Variants in GTPBP2 observed in about 807,000 individuals in gnomAD.
GTPBP2 encodes GTP-binding protein 2.
A neutral mutation model predicts 63.0 loss-of-function variants in GTPBP2; 32 were observed. The ratio of observed to expected loss-of-function variants is 0.51; its 90% CI spans 0.38 to 0.68. GTPBP2 has a LOEUF of 0.68. GTPBP2 is among the 30% of genes least tolerant of loss of function. The probability of loss-of-function intolerance (pLI) is 0.00; values close to 1 mark genes in which losing one functional copy is unlikely to be tolerated. For synonymous variants in GTPBP2, 310 were observed against 322.6 expected, an observed-to-expected ratio of 0.96 and a Z score of 0.42; for missense variants, 492 against 796.9, an observed-to-expected ratio of 0.62 and a Z score of 4.61.
chr6:43,624,128 G>C lies in GTPBP2; in HGVS notation c.1101-60C>G, dbSNP rs1769079197. 4 of 1,475,040 alleles carry C rather than the reference G, an allele frequency of 2.7e-6. No individual in the cohort carries two copies. The African/African-American group carries it at 4.2e-5, about 15-fold the overall frequency. The allele number at this position is 1,475,040 out of a possible 1,614,324, so 91.4% of individuals were successfully genotyped here. On this transcript the variant is annotated intron_variant, in intron 7 of 11. Coordinates refer to ENST00000307126, the MANE Select transcript of GTPBP2 (RefSeq NM_019096.5). This position sits in a 1 kb window ranked among gnomAD's most constrained non-coding sequence, Gnocchi z 5.1. ...CAGTCCAAACAGGAGGCAGAGGCCA[G>C]AGCCCCATACATGGAAAGGTGAGCT...
rs762986736 is a variant in GTPBP2 at position 43,624,602 on chromosome 6, G to A, written c.1008C>T (p.Val336=). ...CCTTGTGGCAGCCAGGCTGCTTGAGGACCCGCTCCAGCTGGCGTACTGTCC... is the reference window on the plus strand; with the variant it reads ...CCTTGTGGCAGCCAGGCTGCTTGAGAACCCGCTCCAGCTGGCGTACTGTCC... ...VERTVRQLER[V]LKQPGCHKVP... The change falls in exon 7 of 12, where the codon GTC becomes GTT. Residue 336 remains valine, a synonymous_variant. Transcript: ENST00000307126. The surrounding 1 kb of genome is among the most constrained non-coding windows in gnomAD (Gnocchi z 5.1). 2 of 1,614,110 alleles carry A rather than the reference G, an allele frequency of 1.2e-6. No individual in the cohort carries two copies. Among genetic ancestry groups the A allele is most frequent in the South Asian group, 1.1e-5 (1 of 91,074 alleles).
chr6:43,628,887 G>T, intron 1 of GTPBP2, 90 bp downstream of exon 1: 2 of 1,376,530 alleles, frequency 1.5e-6, no homozygotes, highest in Non-Finnish European at 1.0e-6. Flanking sequence ...GACACCGGAA[G>T]GGGAGATTAA....
chr6:43,624,729 G>A lies in GTPBP2; in HGVS notation c.881C>T (p.Ala294Val). ...CCCCAGATGTTCCCTTGTGGTGCCAGCTGCCTCATAAGGACAGCAAGCAGC... is the reference window on the plus strand; with the variant it reads ...CCCCAGATGTTCCCTTGTGGTGCCAACTGCCTCATAAGGACAGCAAGCAGC... The part of the protein sequence containing the change: ...LLLVSANTGI[A>V]GTTREHLGLA... The change falls in exon 7 of 12, where the codon GCT (alanine) becomes GTT (valine). Residue 294 changes from alanine to valine, a missense_variant and splice_region_variant. Ala to Val is a moderately conservative substitution (Grantham distance 64). Coordinates refer to ENST00000307126, the MANE Select transcript of GTPBP2 (RefSeq NM_019096.5). The surrounding 1 kb of genome is among the most constrained non-coding windows in gnomAD (Gnocchi z 5.1). The A allele has an allele frequency of 3.1e-6, 5 of 1,613,192 alleles. No individual in the cohort carries two copies. The highest frequency in any genetic ancestry group is 4.2e-6 in the Non-Finnish European group (5 of 1,179,530).
rs1332937590 is a variant in GTPBP2 at position 43,626,015 on chromosome 6, T to C, written c.399-151A>G. The C allele has an allele frequency of 2.7e-6, 2 of 734,698 alleles. No individual in the cohort carries two copies. 45.5% of individuals were successfully genotyped at this position (734,698 alleles called of 1,614,324 possible). On this transcript the variant is annotated intron_variant, in intron 3 of 11. Coordinates refer to ENST00000307126, the MANE Select transcript of GTPBP2 (RefSeq NM_019096.5). The surrounding 1 kb of genome is among the most constrained non-coding windows in gnomAD (Gnocchi z 4.0). Reference sequence around the variant, plus strand: ...CCTCCAATCTATTCCTCATTCACAGTTCCCTTTAAAACAAATATACATATC... The same window carrying C: ...CCTCCAATCTATTCCTCATTCACAGCTCCCTTTAAAACAAATATACATATC...
In GTPBP2 at chr6:43,624,755, A is replaced by G. The variant is rs1391904227; in HGVS notation, c.881-26T>C. ...CTGCCTCATAAGGACAGCAAGCAGC[A>G]GGAGAGAAGAGTGAGAATGCAGGAG... On this transcript the variant is annotated intron_variant, in intron 6 of 11. Transcript: ENST00000307126. The surrounding 1 kb of genome is among the most constrained non-coding windows in gnomAD (Gnocchi z 5.1). 1.9e-6 allele frequency: 3 copies of G among 1,606,292 alleles called. No individual in the cohort carries two copies. The highest frequency in any genetic ancestry group is 3.3e-5 in the Admixed American group (2 of 59,998).
rs775442281 is a variant in GTPBP2 at position 43,624,738 on chromosome 6, T to A, written c.881-9A>T. 7.4e-6 allele frequency: 12 copies of A among 1,611,478 alleles called. No individual in the cohort carries two copies. Among genetic ancestry groups the A allele is most frequent in the Admixed American group, 1.7e-5 (1 of 59,978 alleles). On this transcript the variant is annotated splice_polypyrimidine_tract_variant and intron_variant, in intron 6 of 11. Coordinates refer to ENST00000307126, the MANE Select transcript of GTPBP2 (RefSeq NM_019096.5). The surrounding 1 kb of genome is among the most constrained non-coding windows in gnomAD (Gnocchi z 5.1). ...TTCCCTTGTGGTGCCAGCTGCCTCA[T>A]AAGGACAGCAAGCAGCAGGAGAGAA... is the stretch of plus-strand genomic sequence containing the variant.
chr6:43,626,167 G>A lies in GTPBP2; in HGVS notation c.398+59C>T. The A allele has an allele frequency of 6.7e-7, 1 of 1,495,316 alleles. No individual in the cohort carries two copies. Among genetic ancestry groups the A allele is most frequent in the South Asian group, 1.2e-5 (1 of 85,692 alleles). The allele number at this position is 1,495,316 out of a possible 1,614,324, so 92.6% of individuals were successfully genotyped here. A position where few individuals can be genotyped will look rare whatever the true frequency, so the allele number is the denominator to read the frequency against. On this transcript the variant is annotated intron_variant, in intron 3 of 11. Coordinates refer to ENST00000307126, the MANE Select transcript of GTPBP2 (RefSeq NM_019096.5). The surrounding 1 kb of genome is among the most constrained non-coding windows in gnomAD (Gnocchi z 4.0). The stretch of plus-strand genomic sequence containing the variant: ...GGCCCCTCAGGCCCTAGGTAACTGG[G>A]TATGCATGGGTCCCCCCAAGTCAGG...
rs1768734402 is a variant in GTPBP2, at chr6:43,621,706, G to A, written c.1717C>T (p.Leu573=). The part of the protein sequence containing the change: ...PEYLKVGAKL[L]FREGVTKGIG... ...CCCTTGGTGACACCCTCCCGGAACA[G>A]CAGTTTGGCGCCCACCTTCAGGTAC... is the stretch of plus-strand genomic sequence containing the variant. The change falls in exon 12 of 12, where the codon CTG becomes TTG. Residue 573 remains leucine, a synonymous_variant. Transcript: ENST00000307126. The A allele has an allele frequency of 1.2e-6, 2 of 1,614,216 alleles. No individual in the cohort carries two copies. The highest frequency in any genetic ancestry group is 1.7e-6 in the Non-Finnish European group (2 of 1,180,046).
Position 43,625,965 on chromosome 6 carries a change from A to G in GTPBP2, c.399-101T>C. The stretch of plus-strand genomic sequence containing the variant: ...TTCCTGCACCTCCCACAGAGCTCCC[A>G]ATACCTTAGTGCACTTCCTACCACC... On this transcript the variant is annotated intron_variant, in intron 3 of 11. Transcript: ENST00000307126. This position sits in a 1 kb window ranked among gnomAD's most constrained non-coding sequence, Gnocchi z 5.1. 1.1e-6 allele frequency: 1 copy of G among 900,526 alleles called. No individual in the cohort carries two copies. Among genetic ancestry groups the G allele is most frequent in the South Asian group, 1.3e-5 (1 of 74,620 alleles). 55.8% of individuals were successfully genotyped at this position (900,526 alleles called of 1,614,324 possible).
At position 43,623,985 on chromosome 6, in the gene GTPBP2, A is replaced by T; in HGVS notation, c.1184T>A (p.Leu395His). The T allele has an allele frequency of 6.2e-7, 1 of 1,614,102 alleles. No homozygotes were observed. Among genetic ancestry groups the T allele is most frequent in the East Asian group, 2.2e-5 (1 of 44,888 alleles). Residue 395 changes from leucine (L) to histidine (H), a missense_variant, in exon 8 of 12, where the codon CTC becomes CAC. Physicochemically the swap from Leu to His is moderately conservative, Grantham distance 99. This residue lies in a region of GTPBP2 where 400 missense variants were observed against 710.8 expected (regional missense o/e 0.56). Transcript: ENST00000307126. ...TTCCTCCTGCTCTTTGCTGTTGGTGAGTGGCGGCAGAATATTCAGAAAGAC... is the reference window on the plus strand; with the variant it reads ...TTCCTCCTGCTCTTTGCTGTTGGTGTGTGGCGGCAGAATATTCAGAAAGAC... Reference protein sequence around the residue: ...LKVFLNILPPLTNSKEQEELM... With the variant: ...LKVFLNILPPHTNSKEQEELM...
chr6:43,621,185 C>T lies in GTPBP2; in HGVS notation c.*429G>A, dbSNP rs907801921. 2.6e-5 allele frequency: 9 copies of T among 346,470 alleles called. No individual in the cohort carries two copies. Among genetic ancestry groups the T allele is most frequent in the Non-Finnish European group, 4.6e-5 (8 of 173,510 alleles). 21.5% of individuals were successfully genotyped at this position (346,470 alleles called of 1,614,324 possible). The stretch of plus-strand genomic sequence containing the variant: ...CAGCCAGGTAGAGATGGGCAACTTA[C>T]ATGGCCTTGAGAAGAGGTATAGAAA... On this transcript the variant is annotated 3_prime_UTR_variant, in exon 12 of 12. Transcript: ENST00000307126.
intron 11 of GTPBP2, 53 bp downstream of exon 11, chr6:43,621,950 A>T: frequency 6.2e-7 from 1 of 1,604,562 alleles, no homozygotes; most frequent in Non-Finnish European, 8.5e-7. Flanking sequence ...AGTCTGGGGC[A>T]GGCCTCCCTC....
At chr6:43,630,726 G>A (rs1233101176), upstream of GTPBP2, among the ~76,000 whole-genome samples, 1 of 148,920 alleles carries the variant, frequency 6.7e-6, no homozygotes, top group Admixed American at 6.7e-5. Context: ...CTGGGCAACA[G>A]AGCGAGACTC....
chr6:43,628,953 C>T, intron 1 of GTPBP2, 24 bp downstream of exon 1: 1 of 1,610,198 alleles, frequency 6.2e-7, no homozygotes, highest in Non-Finnish European at 8.5e-7. Context: ...CTTCTTCCCG[C>T]CCTACCACTT....
Position 43,626,840 on chromosome 6 carries a change from A to AT in GTPBP2, c.213+81_213+82insA, listed in dbSNP as rs1769395297. 2 of 1,112,054 alleles carry AT rather than the reference A, an allele frequency of 1.8e-6. No homozygotes were observed. The highest frequency in any genetic ancestry group is 2.6e-6 in the Non-Finnish European group (2 of 757,166). The allele number at this position is 1,112,054 out of a possible 1,614,324, so 68.9% of individuals were successfully genotyped here. The stretch of plus-strand genomic sequence containing the variant: ...CAAAACTTCATCTCAAAAAAAAAAA[A>AT]GAAAGAAAGAAAAAAGAAATTATCC... On this transcript the variant is annotated intron_variant, in intron 2 of 11. Coordinates refer to ENST00000307126, the MANE Select transcript of GTPBP2 (RefSeq NM_019096.5). The surrounding 1 kb of genome is among the most constrained non-coding windows in gnomAD (Gnocchi z 4.0).
At chr6:43,623,081 G>A (rs1582343472) in intron 9 of GTPBP2, 1 of 437,530 alleles carries the variant, frequency 2.3e-6, no homozygotes, top group Non-Finnish European at 4.1e-6. Context: ...ATCCCCTTGG[G>A]TTTCATTCTC....
At chr6:43,627,079 C>T in intron 1 of GTPBP2, 131 bp from the exon 2 acceptor site, 1 of 826,426 alleles carries the variant, frequency 1.2e-6, no homozygotes, top group South Asian at 1.9e-5. Flanking sequence ...TAGGCAAGTG[C>T]CTGTCAAAGG....
At position 43,624,724 on chromosome 6, in the gene GTPBP2, T is replaced by C; in HGVS notation, c.886A>G (p.Thr296Ala). The C allele has an allele frequency of 6.2e-7, 1 of 1,613,434 alleles. No homozygotes were observed. The highest frequency in any genetic ancestry group is 8.5e-7 in the Non-Finnish European group (1 of 1,179,790). The change falls in exon 7 of 12, where the codon ACC (threonine) becomes GCC (alanine). Residue 296 changes from threonine to alanine, a missense_variant. Thr to Ala is a moderately conservative substitution (Grantham distance 58). Around this residue, in one of 2 missense-constraint regions of GTPBP2, gnomAD observed 400 missense variants for 710.8 expected, o/e 0.56. Transcript: ENST00000307126. This position sits in a 1 kb window ranked among gnomAD's most constrained non-coding sequence, Gnocchi z 5.1. ...LVSANTGIAG[T>A]TREHLGLALA... ...GCCAGCCCCAGATGTTCCCTTGTGG[T>C]GCCAGCTGCCTCATAAGGACAGCAA...
At chr6:43,621,940 A>T (rs1768771522) in intron 11 of GTPBP2, 63 bp downstream of exon 11, 3 of 1,601,136 alleles carry the variant, frequency 1.9e-6, no homozygotes, top group Non-Finnish European at 2.6e-6. Flanking sequence ...GTTCTCTGCC[A>T]GTCTGGGGCA....
Sources: allele counts gnomAD v4.1 joint callset (sites outside exome capture counted in the v4.1 genomes callset), GRCh38; gene constraint gnomAD v4.1.1; regional missense constraint gnomAD v4.1.1; non-coding constraint Gnocchi (gnomAD v3.1); transcripts MANE v1.5; gene names NCBI Gene and HGNC (gene_info 2026-07-23, HGNC 2026-07-21).